The following FIG4 variants were observed in gnomAD, a reference collection of about 807,000 sequenced individuals.
The protein encoded by FIG4 is polyphosphoinositide phosphatase.
In FIG4, 112 loss-of-function variants were observed where a neutral mutation model predicts 118.6. That is an observed-to-expected ratio of 0.94 (90% CI 0.81 to 1.11). The LOEUF (loss-of-function observed/expected upper bound fraction) is 1.11. Ranked by LOEUF, FIG4 falls within the 50% of genes least tolerant of loss-of-function variation. The probability of loss-of-function intolerance (pLI) is 0.00; values close to 1 mark genes in which losing one functional copy is unlikely to be tolerated. For synonymous variants in FIG4, 369 were observed against 381.2 expected (o/e 0.97, Z 0.37); for missense variants, 969 against 1,111.7 (o/e 0.87, Z 1.83).
intron 1 of FIG4, among the ~76,000 whole-genome samples, chr6:109,704,786 T>A (rs1775014250): frequency 6.6e-6 from 1 of 151,904 alleles, no homozygotes; most frequent in African/African-American, 2.4e-5. Context: ...GTAACATAAC[T>A]TTACATAAAG....
chr6:109,797,283 G>A (rs1038956824), intron 22 of FIG4, among the ~76,000 whole-genome samples: 7 of 152,232 alleles, frequency 4.6e-5, no homozygotes, highest in East Asian at 1.9e-4. Context: ...TTAAATAAAC[G>A]GAACTATGTT....
intron 6 of FIG4, among the ~76,000 whole-genome samples, chr6:109,737,000 A>G (rs1776178513): frequency 6.6e-6 from 1 of 152,122 alleles, no homozygotes; most frequent in Non-Finnish European, 1.5e-5. Flanking sequence ...TTTGACTTAC[A>G]AGGACCCTGT....
At chr6:109,787,862 T>A (rs1284793899) in intron 18 of FIG4, among the ~76,000 whole-genome samples, 1 of 152,206 alleles carries the variant, frequency 6.6e-6, no homozygotes, top group African/African-American at 2.4e-5. Flanking sequence ...AACCTAGTTT[T>A]GTGTATGTTT....
At chr6:109,771,418 T>C (rs1777455358) in intron 15 of FIG4, among the ~76,000 whole-genome samples, 1 of 151,856 alleles carries the variant, frequency 6.6e-6, no homozygotes, top group Admixed American at 6.6e-5. Context: ...TGCTTCGTGC[T>C]TCAGTGAGAA....
chr6:109,816,935 T>A (rs1778877614), intron 22 of FIG4, among the ~76,000 whole-genome samples: 1 of 152,224 alleles, frequency 6.6e-6, no homozygotes, highest in South Asian at 2.1e-4. Context: ...GGTCTGAGTT[T>A]CCAGGAGTGA....
intron 6 of FIG4, 151 bp from the exon 7 acceptor site, chr6:109,738,174 A>G (rs1194261049): frequency 2.1e-5 from 14 of 677,442 alleles, no homozygotes; most frequent in Non-Finnish European, 3.7e-5. Flanking sequence ...GCTATTAACC[A>G]AGCATGTTAC....
Position 109,732,675 on chromosome 6 carries a change from A to T in FIG4, c.485A>T (p.Asn162Ile), listed in dbSNP as rs2128385214. The change falls in exon 5 of 23, where the codon AAT (asparagine) becomes ATT (isoleucine). Residue 162 changes from asparagine (N) to isoleucine (I), a missense_variant. This residue lies in a region of FIG4 where 393 missense variants were observed against 409.4 expected (regional missense o/e 0.96). Transcript: ENST00000230124. Reference sequence around the variant, plus strand: ...TTTCAAAATGTGGACCTATCTAGCAATTTTTACTTTAGGTAAGTGTGAGGT... The same window carrying T: ...TTTCAAAATGTGGACCTATCTAGCATTTTTTACTTTAGGTAAGTGTGAGGT... ...RIFQNVDLSSNFYFSYSYDLS... is the reference protein window; with the variant it reads ...RIFQNVDLSSIFYFSYSYDLS... 6.5e-7 allele frequency: 1 copy of T among 1,541,924 alleles called. No homozygotes were observed. The highest frequency in any genetic ancestry group is 1.7e-4 in the Middle Eastern group (1 of 5,946).
At chr6:109,721,065 GTCAGA>G (rs1775592688) in intron 3 of FIG4, among the ~76,000 whole-genome samples, 1 of 152,170 alleles carries the variant, frequency 6.6e-6, no homozygotes, top group Admixed American at 6.5e-5. Flanking sequence ...ACTGTCGTCT[GTCAGA>G]CGACACTCTT....
intron 10 of FIG4, among the ~76,000 whole-genome samples, chr6:109,756,770 T>C (rs1444380131): frequency 2.0e-5 from 3 of 152,268 alleles, no homozygotes; most frequent in African/African-American, 7.2e-5. Flanking sequence ...TTCTCAAGAC[T>C]TGGCTTTCAG....
intron 22 of FIG4, among the ~76,000 whole-genome samples, chr6:109,818,698 A>G (rs1186529833): frequency 3.9e-5 from 6 of 152,160 alleles, no homozygotes; most frequent in Non-Finnish European, 8.8e-5. Context: ...CCTGAAGGAT[A>G]AGGGGGAATA....
intron 19 of FIG4, among the ~76,000 whole-genome samples, chr6:109,790,514 C>T (rs1778107771): frequency 6.6e-6 from 1 of 152,202 alleles, no homozygotes; most frequent in Non-Finnish European, 1.5e-5. Context: ...TAGTGTGTGT[C>T]ACAGAAACGT....
At chr6:109,738,906 G>A in intron 7 of FIG4, among the ~76,000 whole-genome samples, 1 of 152,142 alleles carries the variant, frequency 6.6e-6, no homozygotes, top group Non-Finnish European at 1.5e-5. Context: ...GTGTTCTCAT[G>A]GCTTGTGCAT....
At chr6:109,770,809 T>A (rs566181995) in intron 15 of FIG4, among the ~76,000 whole-genome samples, 1 of 152,294 alleles carries the variant, frequency 6.6e-6, no homozygotes, top group African/African-American at 2.4e-5. Flanking sequence ...AATTGTGGAT[T>A]ACATTTCAAC....
chr6:109,754,307 A>G (rs1029049612), intron 10 of FIG4, among the ~76,000 whole-genome samples: 1 of 152,148 alleles, frequency 6.6e-6, no homozygotes, highest in African/African-American at 2.4e-5. Context: ...ATCATGGTGG[A>G]TAAGCTTTTT....
At chr6:109,800,933 G>A (rs1164825297) in intron 22 of FIG4, among the ~76,000 whole-genome samples, 1 of 152,186 alleles carries the variant, frequency 6.6e-6, no homozygotes, top group Non-Finnish European at 1.5e-5. Flanking sequence ...AAGGACTGGA[G>A]TGGCAAGACT....
chr6:109,821,341 G>A lies in FIG4; in HGVS notation c.2547-3747G>A, dbSNP rs566515429. Reference sequence around the variant, plus strand: ...CTTTCCTGAGCAACATCTTCTTACAGCTCTGCAAAACTAATTTTGCACAAT... The same window carrying A: ...CTTTCCTGAGCAACATCTTCTTACAACTCTGCAAAACTAATTTTGCACAAT... On this transcript the variant is annotated intron_variant, in intron 22 of 22. Transcript: ENST00000230124. 2.0e-5 allele frequency among the ~76,000 whole-genome samples: 3 copies of A among 152,282 alleles called. No individual in the cohort carries two copies. In the South Asian group the frequency reaches 6.2e-4, roughly 32 times the overall value.
intron 10 of FIG4, among the ~76,000 whole-genome samples, chr6:109,753,894 A>C (rs1171490092): frequency 6.6e-6 from 1 of 152,204 alleles, no homozygotes; most frequent in Admixed American, 6.5e-5. Context: ...AACAGGGACA[A>C]TTTGACTTCC....
intron 3 of FIG4, among the ~76,000 whole-genome samples, chr6:109,725,217 A>T (rs1419938328): frequency 6.6e-6 from 1 of 151,828 alleles, no homozygotes; most frequent in Non-Finnish European, 1.5e-5. Flanking sequence ...TGAGCCCCAC[A>T]TGCGTTAGGT....
chr6:109,777,343 C>T (rs549190869), intron 16 of FIG4, among the ~76,000 whole-genome samples: 4 of 152,210 alleles, frequency 2.6e-5, no homozygotes, highest in East Asian at 3.9e-4. Context: ...CCATGAGTTC[C>T]GTACTATTGA....
Sources: allele counts gnomAD v4.1 joint callset (sites outside exome capture counted in the v4.1 genomes callset), GRCh38; gene constraint gnomAD v4.1.1; regional missense constraint gnomAD v4.1.1; transcripts MANE v1.5; gene names NCBI Gene and HGNC (gene_info 2026-07-23, HGNC 2026-07-21).